PTGER3: variants seen among roughly 807,000 people sequenced by gnomAD.
The protein encoded by PTGER3 is prostaglandin E receptor 3, also known as prostaglandin E2 receptor EP3 subtype.
PTGER3 carries 22 observed loss-of-function variants against 34.7 expected under a neutral mutation model. The ratio of observed to expected loss-of-function variants is 0.63; its 90% CI spans 0.45 to 0.91. The LOEUF (loss-of-function observed/expected upper bound fraction) is 0.91. Ranked by LOEUF, PTGER3 falls within the 40% of genes least tolerant of loss-of-function variation. PTGER3 has a pLI of 0.00. For missense variants in PTGER3, 468 were observed against 519.4 expected, an observed-to-expected ratio of 0.90 and a Z score of 0.96; for synonymous variants, 241 against 230.1, an observed-to-expected ratio of 1.05 and a Z score of -0.43.
In PTGER3 at chr1:70,971,163, C is replaced by T. The variant is rs1042414480; in HGVS notation, c.*567G>A. On this transcript the variant is annotated 3_prime_UTR_variant, in exon 4 of 4. Coordinates refer to ENST00000306666, the MANE Select transcript of PTGER3 (RefSeq NM_198719.2). ...GGAACTTTTAGTTCCATGCTAAGCCCACAGGGACACAACATCTCTAAAACA... is the reference window on the plus strand; with the variant it reads ...GGAACTTTTAGTTCCATGCTAAGCCTACAGGGACACAACATCTCTAAAACA... 2.0e-6 allele frequency: 2 copies of T among 985,216 alleles called. No homozygotes were observed. The highest frequency in any genetic ancestry group is 1.1e-4 in the East Asian group (1 of 8,820). 61.0% of individuals were successfully genotyped at this position (985,216 alleles called of 1,614,324 possible). A position where few individuals can be genotyped will look rare whatever the true frequency, so the allele number is the denominator to read the frequency against.
At position 71,029,874 on chromosome 1, in the gene PTGER3, C is replaced by T. The variant is rs144344889; in HGVS notation, c.897+16807G>A. On this transcript the variant is annotated intron_variant, in intron 1 of 3. Coordinates refer to ENST00000306666, the MANE Select transcript of PTGER3 (RefSeq NM_198719.2). Reference sequence around the variant, plus strand: ...CTGGGAGGTGGAGGTTGCACTGAGCCGAGATCACGCTACTGCACTCCAGCC... The same window carrying T: ...CTGGGAGGTGGAGGTTGCACTGAGCTGAGATCACGCTACTGCACTCCAGCC... 3.4e-3 allele frequency among the ~76,000 whole-genome samples: 512 copies of T among 151,382 alleles called. 1 individual carries two copies. Among genetic ancestry groups the T allele is most frequent in the Non-Finnish European group, 4.2e-3 (287 of 67,868 alleles).
At chr1:71,004,467 G>T (rs966636371) in intron 2 of PTGER3, among the ~76,000 whole-genome samples, 6 of 152,130 alleles carry the variant, frequency 3.9e-5, no homozygotes, top group Non-Finnish European at 8.8e-5. Context: ...TTTGTTCTTT[G>T]ATAAAAATCA....
At chr1:70,898,928 T>C (rs1646778622) in intron 4 of PTGER3, among the ~76,000 whole-genome samples, 1 of 152,192 alleles carries the variant, frequency 6.6e-6, no homozygotes, top group African/African-American at 2.4e-5. Flanking sequence ...TTCTTAACTA[T>C]TGCCTCTTTC....
intron 1 of PTGER3, among the ~76,000 whole-genome samples, chr1:71,037,688 C>T (rs149136800): frequency 4.1e-4 from 63 of 152,230 alleles, no homozygotes; most frequent in African/African-American, 1.4e-3. Flanking sequence ...GGATTAGAGT[C>T]GTTAATCGTT....
intron 4 of PTGER3, among the ~76,000 whole-genome samples, chr1:70,885,637 T>C (rs1457085456): frequency 6.6e-6 from 1 of 152,176 alleles, no homozygotes; most frequent in Non-Finnish European, 1.5e-5. Flanking sequence ...AGGATGAATT[T>C]AGAAACTTTA....
At chr1:70,954,642 T>C (rs916341418) in intron 2 of PTGER3, among the ~76,000 whole-genome samples, 1 of 152,150 alleles carries the variant, frequency 6.6e-6, no homozygotes, top group African/African-American at 2.4e-5. Flanking sequence ...AACCAGTACC[T>C]CTGATTTCAA....
chr1:70,986,050 C>T (rs965330473), intron 2 of PTGER3, among the ~76,000 whole-genome samples: 2 of 152,070 alleles, frequency 1.3e-5, no homozygotes, highest in African/African-American at 4.8e-5. Context: ...TGGCCAAAAC[C>T]CACCAAAACC....
At chr1:70,878,260 G>C (rs1228056543) in intron 4 of PTGER3, among the ~76,000 whole-genome samples, 5 of 152,110 alleles carry the variant, frequency 3.3e-5, no homozygotes, top group Admixed American at 2.0e-4. Context: ...TGTATGCATA[G>C]AGGTGTTCAT....
At chr1:70,862,350 C>T in intron 4 of PTGER3, 1 of 1,366,802 alleles carries the variant, frequency 7.3e-7, no homozygotes. Context: ...CAGGGTTAGG[C>T]AGATTTATCT....
chr1:70,997,801 A>T (rs1369874120), intron 2 of PTGER3, among the ~76,000 whole-genome samples: 1 of 152,184 alleles, frequency 6.6e-6, no homozygotes, highest in Non-Finnish European at 1.5e-5. Flanking sequence ...ATTCAGACAA[A>T]TCTTTGTCTT....
chr1:70,880,694 A>C (rs1646372113), intron 4 of PTGER3, among the ~76,000 whole-genome samples: 1 of 150,550 alleles, frequency 6.6e-6, no homozygotes, highest in Non-Finnish European at 1.5e-5. Context: ...TGTCAAAAAA[A>C]AAAGAAAAAA....
At chr1:70,889,567 A>G (rs560536849) in intron 4 of PTGER3, among the ~76,000 whole-genome samples, 8 of 152,198 alleles carry the variant, frequency 5.3e-5, no homozygotes. Context: ...AAATATTACC[A>G]TGGCTCACAT....
intron 2 of PTGER3, among the ~76,000 whole-genome samples, chr1:70,989,657 A>G (rs1239325075): frequency 1.3e-5 from 2 of 152,200 alleles, no homozygotes; most frequent in African/African-American, 4.8e-5. Context: ...ATTTATTAAC[A>G]AATTATAGAA....
At chr1:70,892,873 A>G (rs1646648040) in intron 4 of PTGER3, among the ~76,000 whole-genome samples, 2 of 151,626 alleles carry the variant, frequency 1.3e-5, no homozygotes, top group South Asian at 4.2e-4. Flanking sequence ...AAAAAAGAGT[A>G]GGAACATTTC....
At chr1:71,007,475 T>A in intron 2 of PTGER3, 2 of 985,434 alleles carry the variant, frequency 2.0e-6, no homozygotes, top group Non-Finnish European at 2.4e-6. Context: ...GTAGTACTAC[T>A]GATGCTCAAG....
chr1:70,964,739 A>T lies in PTGER3; in HGVS notation c.1078-10950T>A, dbSNP rs111499450. 7.0e-4 allele frequency among the ~76,000 whole-genome samples: 106 copies of T among 152,346 alleles called. 1 individual carries two copies. Among genetic ancestry groups the T allele is most frequent in the African/African-American group, 2.4e-3 (100 of 41,566 alleles). On this transcript the variant is annotated intron_variant, in intron 2 of 3. Coordinates refer to the PTGER3 transcript ENST00000356595. Reference sequence around the variant, plus strand: ...AAAATGTGACTAACTATTGGTTTTAAGTAACAAAAGGATGGTTTCAGTCTT... The same window carrying T: ...AAAATGTGACTAACTATTGGTTTTATGTAACAAAAGGATGGTTTCAGTCTT...
At chr1:71,036,668 G>A (rs920374593) in intron 1 of PTGER3, among the ~76,000 whole-genome samples, 2 of 151,974 alleles carry the variant, frequency 1.3e-5, no homozygotes, top group Admixed American at 6.6e-5. Flanking sequence ...GTGAAACCCC[G>A]TCTCTACCAA....
At chr1:71,024,585 G>A (rs1658715432) in intron 1 of PTGER3, among the ~76,000 whole-genome samples, 1 of 151,106 alleles carries the variant, frequency 6.6e-6, no homozygotes, top group Non-Finnish European at 1.5e-5. Context: ...CCATTTGGGG[G>A]TACAGATTCT....
chr1:70,992,316 A>C (rs1220889498), intron 2 of PTGER3, among the ~76,000 whole-genome samples: 6 of 152,206 alleles, frequency 3.9e-5, no homozygotes, highest in African/African-American at 1.4e-4. Context: ...AAGCCACTTA[A>C]ACTCTCTCAG....
Sources: allele counts gnomAD v4.1 joint callset (sites outside exome capture counted in the v4.1 genomes callset), GRCh38; gene constraint gnomAD v4.1.1; transcripts MANE v1.5; gene names NCBI Gene and HGNC (gene_info 2026-07-23, HGNC 2026-07-21).